The following MALRD1 variants were observed in gnomAD, a reference collection of about 807,000 sequenced individuals.
The protein encoded by MALRD1 is MAM and LDL receptor class A domain containing 1.
Under a neutral mutation model 242.1 loss-of-function variants are expected in MALRD1, and 247 were observed. The ratio of observed to expected loss-of-function variants is 1.02; its 90% confidence interval spans 0.92 to 1.13. The LOEUF (loss-of-function observed/expected upper bound fraction) is 1.13, where lower values mean the gene tolerates loss of function less well. Ranked by LOEUF, MALRD1 falls within the 50% of genes most tolerant of loss-of-function variation. MALRD1 has a pLI of 0.00. For synonymous variants in MALRD1, 995 were observed against 866.6 expected (o/e 1.15, Z -2.60); for missense variants, 2,989 against 2,533.1 (o/e 1.18, Z -3.86).
At chr10:19,250,535 C>A (rs183287441) in intron 18 of MALRD1, among the ~76,000 whole-genome samples, 86 of 151,956 alleles carry the variant, frequency 5.7e-4, no homozygotes, top group Admixed American at 1.6e-3. Flanking sequence ...AACACTGATT[C>A]TTTTTAAAAT....
intron 18 of MALRD1, among the ~76,000 whole-genome samples, chr10:19,246,343 C>T (rs1839042496): frequency 6.6e-6 from 1 of 152,006 alleles, no homozygotes; most frequent in African/African-American, 2.4e-5. Flanking sequence ...TGGTTACTTT[C>T]TGGGGATACT....
intron 21 of MALRD1, among the ~76,000 whole-genome samples, chr10:19,315,019 A>ATATGTAAATATAATT: frequency 6.9e-6 from 1 of 144,816 alleles, no homozygotes; most frequent in African/African-American, 2.5e-5. Flanking sequence ...ATTTATATAA[A>ATATGTAAATATAATT]TATATAAATA....
At position 19,122,581 on chromosome 10, in the gene MALRD1, G is replaced by A. The variant is rs1837100642; in HGVS notation, c.695-911G>A. ...GATTGTAACAAGCTGGAACAGTGAGGGGTGCCATTTGACATGAGAGTCAAA... is the reference window on the plus strand; with the variant it reads ...GATTGTAACAAGCTGGAACAGTGAGAGGTGCCATTTGACATGAGAGTCAAA... On this transcript the variant is annotated intron_variant, in intron 5 of 39. Coordinates refer to ENST00000454679, the MANE Select transcript of MALRD1 (RefSeq NM_001142308.3). Among the ~76,000 whole-genome samples the A allele has an allele frequency of 2.0e-5, 3 of 152,194 alleles. No individual in the cohort carries two copies. The South Asian group carries it at 6.2e-4, about 32-fold the overall frequency.
chr10:19,196,753 C>T (rs968760649), intron 14 of MALRD1, among the ~76,000 whole-genome samples: 3 of 152,218 alleles, frequency 2.0e-5, no homozygotes, highest in Admixed American at 6.5e-5. Context: ...ACCTGCCTCC[C>T]CACAGTCTTC....
At chr10:19,177,048 G>C (rs1038061381) in intron 14 of MALRD1, among the ~76,000 whole-genome samples, 1 of 151,890 alleles carries the variant, frequency 6.6e-6, no homozygotes, top group African/African-American at 2.4e-5. Context: ...AGGCTGAGCC[G>C]GGCGGATCAG....
Position 19,643,277 on chromosome 10 carries a change from C to T in MALRD1, c.6137+27354C>T, listed in dbSNP as rs982532991. 1.1e-4 allele frequency among the ~76,000 whole-genome samples: 17 copies of T among 151,558 alleles called. No individual in the cohort carries two copies. The South Asian group carries it at 3.5e-3, about 32-fold the overall frequency. ...TGAAACCCCGTCTCTAATAAAAATA[C>T]AGAAAAAAGAAAAAAAAAATTAGGC... On this transcript the variant is annotated intron_variant, in intron 36 of 39. Transcript: ENST00000454679.
At chr10:19,198,676 T>G (rs1000553435) in intron 14 of MALRD1, among the ~76,000 whole-genome samples, 1 of 152,146 alleles carries the variant, frequency 6.6e-6, no homozygotes, top group African/African-American at 2.4e-5. Context: ...CTCTACATTG[T>G]CTAGATCTCA....
intron 29 of MALRD1, among the ~76,000 whole-genome samples, chr10:19,470,467 T>G (rs904509135): frequency 6.6e-6 from 1 of 152,050 alleles, no homozygotes; most frequent in Non-Finnish European, 1.5e-5. Flanking sequence ...AGAAGTAGAA[T>G]TGTCAGTTTA....
At chr10:19,443,289 T>A (rs1834774319) in intron 28 of MALRD1, among the ~76,000 whole-genome samples, 1 of 152,238 alleles carries the variant, frequency 6.6e-6, no homozygotes, top group South Asian at 2.1e-4. Context: ...TTCATTGATT[T>A]TTTGAAGGGT....
At chr10:19,690,567 T>C (rs1333700350) in intron 36 of MALRD1, among the ~76,000 whole-genome samples, 2 of 151,996 alleles carry the variant, frequency 1.3e-5, no homozygotes, top group African/African-American at 2.4e-5. Flanking sequence ...CAAACTTCTG[T>C]CAATAAGAGA....
At chr10:19,648,113 T>C (rs527690660) in intron 36 of MALRD1, among the ~76,000 whole-genome samples, 33 of 152,272 alleles carry the variant, frequency 2.2e-4, no homozygotes, top group African/African-American at 6.0e-4. Flanking sequence ...GTGTTCCACA[T>C]GCACAGTGCA....
At chr10:19,184,031 T>G (rs1835634234) in intron 14 of MALRD1, among the ~76,000 whole-genome samples, 1 of 152,106 alleles carries the variant, frequency 6.6e-6, no homozygotes, top group Non-Finnish European at 1.5e-5. Context: ...ACAACATATC[T>G]CAACAAAACT....
At chr10:19,212,377 C>A (rs879256524) in intron 18 of MALRD1, among the ~76,000 whole-genome samples, 14 of 152,096 alleles carry the variant, frequency 9.2e-5, no homozygotes, top group Non-Finnish European at 1.9e-4. Context: ...TTTTTCTCTG[C>A]ATGTTTTACC....
At chr10:19,479,759 G>A (rs11010114) in intron 29 of MALRD1, among the ~76,000 whole-genome samples, 51,536 of 151,958 alleles carry the variant, frequency 0.34, 9,013 homozygotes, top group East Asian at 0.43. Context: ...ACAGATTGGT[G>A]GGGCGGCTTT....
chr10:19,514,811 C>G (rs916078735), intron 31 of MALRD1, among the ~76,000 whole-genome samples: 1 of 152,060 alleles, frequency 6.6e-6, no homozygotes, highest in South Asian at 2.1e-4. Flanking sequence ...AAGCCTTTTA[C>G]AATTTTCTAC....
intron 26 of MALRD1, among the ~76,000 whole-genome samples, chr10:19,379,438 A>G (rs2130779348): frequency 6.6e-6 from 1 of 152,256 alleles, no homozygotes; most frequent in Admixed American, 6.5e-5. Context: ...TTATAGCTGT[A>G]TGTTACCTGA....
At chr10:19,377,462 A>C (rs1035919497) in intron 26 of MALRD1, among the ~76,000 whole-genome samples, 2 of 152,114 alleles carry the variant, frequency 1.3e-5, no homozygotes, top group Non-Finnish European at 2.9e-5. Context: ...TCTGCTCCCT[A>C]TTCAATTGTG....
chr10:19,339,985 A>G (rs1472964697), intron 24 of MALRD1, among the ~76,000 whole-genome samples: 2 of 152,078 alleles, frequency 1.3e-5, no homozygotes, highest in Admixed American at 1.3e-4. Flanking sequence ...TGAGTGCCAT[A>G]CTTTTAAACC....
Position 19,165,690 on chromosome 10 carries a change from A to G in MALRD1, c.1710A>G (p.Arg570=). Residue 570 remains arginine (R), a synonymous_variant, in exon 13 of 40, where the codon AGA becomes AGG. Transcript: ENST00000454679. ...SQHSNLSVFT[R]TSLDGNLQKQ... ...ATTCAAATCTCTCAGTTTTTACAAG[A>G]ACGTCTCTAGATGGAAACTTGCAAA... 8.1e-7 allele frequency: 1 copy of G among 1,231,688 alleles called. No homozygotes were observed. Among genetic ancestry groups the G allele is most frequent in the Non-Finnish European group, 1.0e-6 (1 of 987,932 alleles). 76.3% of individuals were successfully genotyped at this position (1,231,688 alleles called of 1,614,324 possible).
Sources: gnomAD v4.1 joint callset for allele counts (sites outside exome capture counted in the v4.1 genomes callset) on GRCh38, gnomAD v4.1.1 for gene constraint, MANE v1.5 for transcripts, NCBI Gene and HGNC (gene_info 2026-07-23, HGNC 2026-07-21) for gene names.